The following MAMLD1 variants were observed in gnomAD, a reference collection of about 807,000 sequenced individuals.
The protein encoded by MAMLD1 is mastermind like domain containing 1.
A neutral mutation model predicts 45.0 loss-of-function variants in MAMLD1; 14 were observed. The observed-to-expected ratio is 0.31, with a 90% CI of 0.21 to 0.49. MAMLD1 has a LOEUF of 0.49. Among genes scored for constraint, MAMLD1 ranks in the 20% least tolerant of loss-of-function variants. MAMLD1 has a pLI of 0.99. For missense variants in MAMLD1, 543 were observed against 603.6 expected (o/e 0.90, Z 1.05); for synonymous variants, 254 against 247.8 (o/e 1.02, Z -0.24).
In MAMLD1 at chrX:150,371,076, C is replaced by T. The variant is rs188773931; in HGVS notation, c.-64+7546C>T. ...CTCTTCATACCCCTGGAGGAGGACC[C>T]CCGACCCACCCACCAAGGCAACTCA... On this transcript the variant is annotated intron_variant, in intron 1 of 7. Transcript: ENST00000370401. Among the ~76,000 whole-genome samples, 489 of 110,863 alleles carry T rather than the reference C, an allele frequency of 4.4e-3. 3 individuals are homozygous for T. Among genetic ancestry groups the T allele is most frequent in the Non-Finnish European group, 7.8e-3 (410 of 52,896 alleles).
In MAMLD1 at chrX:150,503,694, C is replaced by T. The variant is rs782599644; in HGVS notation, c.2284+177C>T. ...CTAGTGCTTCCTGGGCCTGCTTGTT[C>T]TCTACTTTCTGCCCGGCATTCTTTG... On this transcript the variant is annotated intron_variant, in intron 6 of 7. Transcript: ENST00000370401. Among the ~76,000 whole-genome samples the T allele has an allele frequency of 3.3e-4, 37 of 112,425 alleles. No homozygotes were observed. In the South Asian group the frequency reaches 0.014, roughly 41 times the overall value.
chrX:150,416,243 G>T (rs5924950), intron 1 of MAMLD1, among the ~76,000 whole-genome samples: 28,834 of 110,875 alleles, frequency 0.26, 3,032 homozygotes, highest in Middle Eastern at 0.36. Context: ...CGGATCAAAT[G>T]ATTTACATCT....
chrX:150,432,599 G>C (rs1381131482), intron 1 of MAMLD1, among the ~76,000 whole-genome samples: 1 of 111,899 alleles, frequency 8.9e-6, no homozygotes, highest in Admixed American at 9.5e-5. Context: ...TTTCTATATG[G>C]TGTAAGGAAG....
chrX:150,512,373 G>A lies in MAMLD1; in HGVS notation c.*414G>A, dbSNP rs1300880796. ...TCCTTGAGTCCCCACCAGCTCAGAC[G>A]GCCTAGTGTGCCAAGAATGCCCACT... On this transcript the variant is annotated 3_prime_UTR_variant, in exon 8 of 8. Transcript: ENST00000370401. 18 of 1,138,319 alleles carry A rather than the reference G, an allele frequency of 1.6e-5. No individual in the cohort carries two copies. The highest frequency in any genetic ancestry group is 4.0e-5 in the South Asian group (2 of 50,234). 93.8% of individuals were successfully genotyped at this position (1,138,319 alleles called of 1,213,427 possible).
chrX:150,503,551 A>G (rs1557408675), intron 6 of MAMLD1, 34 bp downstream of exon 6: 4 of 873,048 alleles, frequency 4.6e-6, no homozygotes, highest in Non-Finnish European at 6.6e-6. Flanking sequence ...CGCTTTCCTC[A>G]TCTGTCAACG....
chrX:150,441,951 G>T (rs1171296442), intron 1 of MAMLD1, among the ~76,000 whole-genome samples: 1 of 110,721 alleles, frequency 9.0e-6, no homozygotes, highest in South Asian at 3.7e-4. Flanking sequence ...TCCTATATTT[G>T]CAGGTCTTCT....
intron 1 of MAMLD1, among the ~76,000 whole-genome samples, chrX:150,365,496 G>A (rs782812270): frequency 8.8e-6 from 1 of 113,169 alleles, no homozygotes; most frequent in Non-Finnish European, 1.9e-5. Context: ...TCGCCGATGC[G>A]CTCGCCGGGC....
At chrX:150,403,717 A>T (rs1465168837) in intron 1 of MAMLD1, among the ~76,000 whole-genome samples, 1 of 107,977 alleles carries the variant, frequency 9.3e-6, no homozygotes, top group East Asian at 2.9e-4. Flanking sequence ...AGGCAGGAGG[A>T]TCGCTTGAAC....
intron 1 of MAMLD1, among the ~76,000 whole-genome samples, chrX:150,425,059 C>G (rs895510062): frequency 8.9e-6 from 1 of 112,196 alleles, no homozygotes; most frequent in Non-Finnish European, 1.9e-5. Context: ...CATGTTATAA[C>G]ATGGATCAGT....
At chrX:150,419,227 TA>T (rs2034390458) in intron 1 of MAMLD1, among the ~76,000 whole-genome samples, 1 of 100,967 alleles carries the variant, frequency 9.9e-6, no homozygotes, top group Non-Finnish European at 2.0e-5. Flanking sequence ...TTTGTTGGTT[TA>T]AAGTCTGTTT....
At chrX:150,402,773 G>A (rs1874057898) in intron 1 of MAMLD1, among the ~76,000 whole-genome samples, 1 of 111,448 alleles carries the variant, frequency 9.0e-6, no homozygotes, top group Admixed American at 9.5e-5. Context: ...TCCTTTGTAG[G>A]GACATGGATG....
rs199656089 is a variant in MAMLD1 at position 150,509,956 on chromosome X, G to C, written c.2285-6G>C. On this transcript the variant is annotated splice_polypyrimidine_tract_variant and splice_region_variant and intron_variant, in intron 6 of 7. Coordinates refer to ENST00000370401, the MANE Select transcript of MAMLD1 (RefSeq NM_005491.5). ...ATCTAATTTGTCTTTTTCATCTTCTGTTTAGCAAGAGGAACAGAGATCAGG... is the reference window on the plus strand; with the variant it reads ...ATCTAATTTGTCTTTTTCATCTTCTCTTTAGCAAGAGGAACAGAGATCAGG... 114 of 1,176,597 alleles carry C rather than the reference G, an allele frequency of 9.7e-5. No homozygotes were observed. In the African/African-American group the frequency reaches 1.9e-3, roughly 20 times the overall value.
chrX:150,369,406 C>T (rs1435054596), intron 1 of MAMLD1, among the ~76,000 whole-genome samples: 1 of 112,212 alleles, frequency 8.9e-6, no homozygotes, highest in Non-Finnish European at 1.9e-5. Flanking sequence ...TGGGAAACAG[C>T]TAGACAGATA....
intron 1 of MAMLD1, among the ~76,000 whole-genome samples, chrX:150,398,950 T>A (rs1408083256): frequency 6.2e-5 from 7 of 112,175 alleles, no homozygotes; most frequent in Non-Finnish European, 9.4e-5. Flanking sequence ...CAGAAGTCAG[T>A]CTACAAACAC....
chrX:150,376,577 C>T (rs1557401467), intron 1 of MAMLD1, among the ~76,000 whole-genome samples: 1 of 110,868 alleles, frequency 9.0e-6, no homozygotes, highest in African/African-American at 3.3e-5. Context: ...AGGCCCTCAA[C>T]TCCAAATGGG....
At chrX:150,374,147 G>A (rs1174527689) in intron 1 of MAMLD1, among the ~76,000 whole-genome samples, 2 of 112,672 alleles carry the variant, frequency 1.8e-5, no homozygotes, top group Admixed American at 1.9e-4. Context: ...AAAGCTCTGG[G>A]TCTTCTCCTT....
At chrX:150,377,628 G>T (rs1159628290) in intron 1 of MAMLD1, among the ~76,000 whole-genome samples, 2 of 110,915 alleles carry the variant, frequency 1.8e-5, no homozygotes, top group African/African-American at 3.3e-5. Flanking sequence ...TTTAATCTTT[G>T]ATCTCAATAC....
intron 1 of MAMLD1, among the ~76,000 whole-genome samples, chrX:150,382,748 G>T (rs2032677957): frequency 9.1e-6 from 1 of 110,324 alleles, no homozygotes; most frequent in Admixed American, 9.7e-5. Context: ...ATTTTCAAGG[G>T]AAATACAATA....
chrX:150,401,156 G>A (rs1239337148), intron 1 of MAMLD1, among the ~76,000 whole-genome samples: 1 of 111,381 alleles, frequency 9.0e-6, no homozygotes, highest in Non-Finnish European at 1.9e-5. Flanking sequence ...GGTCTATTCA[G>A]AGATTCAACT....
Sources: gnomAD v4.1 joint callset for allele counts (sites outside exome capture counted in the v4.1 genomes callset) on GRCh38, gnomAD v4.1.1 for gene constraint, MANE v1.5 for transcripts, NCBI Gene and HGNC (gene_info 2026-07-23, HGNC 2026-07-21) for gene names.